METTL24: variants seen among roughly 807,000 people sequenced by gnomAD.
The protein encoded by METTL24 is methyltransferase like 24.
A neutral mutation model predicts 32.7 loss-of-function variants in METTL24; 29 were observed. The ratio of observed to expected loss-of-function variants is 0.89; its 90% CI spans 0.66 to 1.21. The LOEUF (loss-of-function observed/expected upper bound fraction) is 1.21. Ranked by LOEUF, METTL24 falls within the 50% of genes most tolerant of loss-of-function variation. METTL24 has a pLI of 0.00. For synonymous variants in METTL24, 163 were observed against 179.5 expected, an observed-to-expected ratio of 0.91 and a Z score of 0.73; for missense variants, 439 against 468.1, an observed-to-expected ratio of 0.94 and a Z score of 0.57.
chr6:110,339,537 G>A (rs1582438094), intron 1 of METTL24, among the ~76,000 whole-genome samples: 1 of 152,196 alleles, frequency 6.6e-6, no homozygotes, highest in Admixed American at 6.5e-5. Context: ...TATTTTACAA[G>A]TGTCAAATTC....
chr6:110,340,366 T>C (rs1223839394), intron 1 of METTL24, among the ~76,000 whole-genome samples: 1 of 152,116 alleles, frequency 6.6e-6, no homozygotes, highest in Non-Finnish European at 1.5e-5. Flanking sequence ...CTGGGGCAGC[T>C]CTCAGTTAAA....
chr6:110,283,383 A>T (rs1249252887), intron 4 of METTL24, among the ~76,000 whole-genome samples: 4 of 152,118 alleles, frequency 2.6e-5, no homozygotes, highest in Non-Finnish European at 4.4e-5. Context: ...TACTAGAAAA[A>T]TTTTTTCCAT....
chr6:110,254,053 TC>T (rs1458605931), intron 4 of METTL24: 4 of 908,278 alleles, frequency 4.4e-6, no homozygotes, highest in African/African-American at 1.7e-5. Flanking sequence ...AAAAGAGCTC[TC>T]CTGCTTAAAA....
chr6:110,258,648 A>T (rs1411091780), intron 4 of METTL24, among the ~76,000 whole-genome samples: 1 of 152,142 alleles, frequency 6.6e-6, no homozygotes, highest in African/African-American at 2.4e-5. Context: ...TAGAGCCAGT[A>T]GGGACTTTGT....
intron 2 of METTL24, among the ~76,000 whole-genome samples, chr6:110,315,871 CAG>C (rs917187829): frequency 3.9e-5 from 6 of 152,156 alleles, no homozygotes; most frequent in Non-Finnish European, 8.8e-5. Flanking sequence ...AGTCCAGACA[CAG>C]AGAACAGTGC....
intron 3 of METTL24, among the ~76,000 whole-genome samples, chr6:110,308,999 G>A (rs978459459): frequency 6.6e-6 from 1 of 152,086 alleles, no homozygotes; most frequent in Non-Finnish European, 1.5e-5. Context: ...ACTGCTACTG[G>A]GTACAGAGGC....
chr6:110,317,718 C>T (rs1343288940), intron 2 of METTL24, among the ~76,000 whole-genome samples: 1 of 152,218 alleles, frequency 6.6e-6, no homozygotes, highest in East Asian at 1.9e-4. Flanking sequence ...GGACCTTGCT[C>T]ATCATTCCCT....
intron 4 of METTL24, among the ~76,000 whole-genome samples, chr6:110,282,776 A>G (rs967506438): frequency 6.6e-6 from 1 of 152,192 alleles, no homozygotes; most frequent in African/African-American, 2.4e-5. Flanking sequence ...ATAACACCAC[A>G]GCAAACCTCA....
chr6:110,289,744 A>T (rs1771285514), intron 4 of METTL24, among the ~76,000 whole-genome samples: 1 of 152,160 alleles, frequency 6.6e-6, no homozygotes, highest in African/African-American at 2.4e-5. Flanking sequence ...CAAGGTACAA[A>T]ATTCAAAAGA....
intron 1 of METTL24, among the ~76,000 whole-genome samples, chr6:110,333,195 C>A (rs1217272322): frequency 6.6e-6 from 1 of 152,144 alleles, no homozygotes; most frequent in Non-Finnish European, 1.5e-5. Context: ...CATTTACCAG[C>A]CCTGAGACGT....
At chr6:110,274,941 G>A (rs1771022235) in intron 4 of METTL24, among the ~76,000 whole-genome samples, 1 of 151,018 alleles carries the variant, frequency 6.6e-6, no homozygotes. Flanking sequence ...TAAGACTACA[G>A]GCGCACATCA....
chr6:110,342,374 G>A (rs1772376440), intron 1 of METTL24, among the ~76,000 whole-genome samples: 2 of 152,194 alleles, frequency 1.3e-5, no homozygotes, highest in African/African-American at 4.8e-5. Flanking sequence ...ACCTAGAGAG[G>A]CCAGCATGTG....
At chr6:110,291,189 C>CT (rs1771312600) in intron 4 of METTL24, among the ~76,000 whole-genome samples, 1 of 152,022 alleles carries the variant, frequency 6.6e-6, no homozygotes, top group South Asian at 2.1e-4. Flanking sequence ...GAGTTTTGAT[C>CT]TTTATAAAGT....
At chr6:110,265,828 T>C (rs1770846596) in intron 4 of METTL24, among the ~76,000 whole-genome samples, 1 of 151,950 alleles carries the variant, frequency 6.6e-6, no homozygotes, top group South Asian at 2.1e-4. Context: ...GAAGAAAATT[T>C]TTCTTTTTTA....
intron 1 of METTL24, chr6:110,332,581 G>A (rs1489994491): frequency 6.4e-5 from 39 of 611,526 alleles, no homozygotes; most frequent in Non-Finnish European, 8.0e-5. Context: ...AAGGAGGGAC[G>A]AGTTTCAGTT....
intron 1 of METTL24, among the ~76,000 whole-genome samples, chr6:110,353,692 A>T (rs1341193491): frequency 6.6e-6 from 1 of 152,048 alleles, no homozygotes; most frequent in African/African-American, 2.4e-5. Context: ...CAAGTAAAAT[A>T]TATCCGATAA....
At chr6:110,251,224 C>T (rs1007809753) in intron 4 of METTL24, among the ~76,000 whole-genome samples, 1 of 152,134 alleles carries the variant, frequency 6.6e-6, no homozygotes, top group Non-Finnish European at 1.5e-5. Context: ...AAACAATTGA[C>T]CCTAGTAATT....
intron 3 of METTL24, among the ~76,000 whole-genome samples, chr6:110,313,655 C>T (rs907659838): frequency 3.9e-5 from 6 of 152,210 alleles, no homozygotes; most frequent in Non-Finnish European, 8.8e-5. Flanking sequence ...CACTTTCAGA[C>T]ATTTTTAATG....
chr6:110,358,310 G>C lies in METTL24; in HGVS notation c.-38C>G. On this transcript the variant is annotated 5_prime_UTR_variant, in exon 1 of 5. Transcript: ENST00000338882. Reference sequence around the variant, plus strand: ...GGGGTCCCGCGGGCCGCGCCTGGCCGGCAGCAGGGATGTAGCCCCACAGGC... The same window carrying C: ...GGGGTCCCGCGGGCCGCGCCTGGCCCGCAGCAGGGATGTAGCCCCACAGGC... The C allele has an allele frequency of 6.5e-6, 9 of 1,392,742 alleles. No homozygotes were observed. Among genetic ancestry groups the C allele is most frequent in the Non-Finnish European group, 8.4e-6 (9 of 1,072,396 alleles). The allele number at this position is 1,392,742 out of a possible 1,614,324, so 86.3% of individuals were successfully genotyped here.
Sources: allele counts gnomAD v4.1 joint callset (sites outside exome capture counted in the v4.1 genomes callset), GRCh38; gene constraint gnomAD v4.1.1; transcripts MANE v1.5; gene names NCBI Gene and HGNC (gene_info 2026-07-23, HGNC 2026-07-21).